The following FXYD7 variants were observed in gnomAD, a reference collection of about 807,000 sequenced individuals.
FXYD7 encodes FXYD domain-containing ion transport regulator 7.
Under a neutral mutation model 15.3 loss-of-function variants are expected in FXYD7, and 7 were observed. The ratio of observed to expected loss-of-function variants is 0.46; its 90% CI spans 0.26 to 0.86. FXYD7 has a LOEUF of 0.86. Ranked by LOEUF, FXYD7 falls within the 40% of genes least tolerant of loss-of-function variation. The pLI is 0.16. For synonymous variants in FXYD7, 39 were observed against 39.3 expected, an observed-to-expected ratio of 0.99 and a Z score of 0.03; for missense variants, 78 against 100.6, an observed-to-expected ratio of 0.78 and a Z score of 0.96.
At chr19:35,144,101 A>G (rs1040973261) in intron 1 of FXYD7, among the ~76,000 whole-genome samples, 2 of 152,026 alleles carry the variant, frequency 1.3e-5, no homozygotes, top group Admixed American at 6.6e-5. Flanking sequence ...TGAGACCGCT[A>G]TGGAGAGAGA....
At position 35,143,314 on chromosome 19, in the gene FXYD7, GC is replaced by G; in HGVS notation, c.-15del. The G allele has an allele frequency of 6.5e-7, 1 of 1,538,312 alleles. No individual in the cohort carries two copies. The highest frequency in any genetic ancestry group is 2.6e-5 in the East Asian group (1 of 38,946). Reference sequence around the variant, plus strand: ...GCCTTCGCCGCCAAAGCATCCAGCAGCCCCCTGCTCCGGCCCAGCATGGCGA... The same window carrying G: ...GCCTTCGCCGCCAAAGCATCCAGCAGCCCCTGCTCCGGCCCAGCATGGCGA... On this transcript the variant is annotated 5_prime_UTR_variant, in exon 1 of 6. Coordinates refer to ENST00000270310, the MANE Select transcript of FXYD7 (RefSeq NM_022006.2). The surrounding 1 kb of genome is among the most constrained non-coding windows in gnomAD (Gnocchi z 4.3).
At chr19:35,152,404 A>G (rs1392433216) in intron 5 of FXYD7, among the ~76,000 whole-genome samples, 1 of 151,970 alleles carries the variant, frequency 6.6e-6, no homozygotes, top group African/African-American at 2.4e-5. Context: ...GCACTGAGGA[A>G]GACGGGGAGA....
At chr19:35,151,890 A>G (rs893326345) in intron 5 of FXYD7, among the ~76,000 whole-genome samples, 4 of 151,862 alleles carry the variant, frequency 2.6e-5, no homozygotes, top group Admixed American at 2.0e-4. Flanking sequence ...TGTAATTCCA[A>G]CACTTTGGGA....
rs940838836 is a variant in FXYD7 at position 35,143,672 on chromosome 19, C to G, written c.31+308C>G. Among the ~76,000 whole-genome samples the G allele has an allele frequency of 4.2e-5, 6 of 142,442 alleles. No individual in the cohort carries two copies. The highest frequency in any genetic ancestry group is 1.4e-4 in the Admixed American group (2 of 14,528). The allele number at this position is 142,442 out of a possible 152,430, so 93.4% of individuals were successfully genotyped here. On this transcript the variant is annotated intron_variant, in intron 1 of 5. Transcript: ENST00000270310. This position sits in a 1 kb window ranked among gnomAD's most constrained non-coding sequence, Gnocchi z 4.3. ...GGTCCCGCACCGTGGTGGTAGCAGA[C>G]GGGGAAGAGATGAGCTTGCAGGGTG... is the stretch of plus-strand genomic sequence containing the variant.
intron 1 of FXYD7, among the ~76,000 whole-genome samples, chr19:35,145,374 T>A (rs1331797847): frequency 1.3e-5 from 2 of 152,170 alleles, no homozygotes; most frequent in Non-Finnish European, 2.9e-5. Flanking sequence ...CAGAGGAGGA[T>A]CTTCCGCATG....
chr19:35,151,275 T>C lies in FXYD7; in HGVS notation c.83T>C (p.Val28Ala), dbSNP rs1338148816. Residue 28 changes from valine (V) to alanine (A), a missense_variant, in exon 3 of 6, where the codon GTG becomes GCG. Coordinates refer to ENST00000270310, the MANE Select transcript of FXYD7 (RefSeq NM_022006.2). The part of the protein sequence containing the change: ...FYYDYNTVQT[V>A]GMTLATILFL... ...CCAGACTACAACACGGTGCAGACTG[T>C]GGGCATGACTCTGGCAACCATCTTG... is the stretch of plus-strand genomic sequence containing the variant. 1 of 1,607,384 alleles carries C rather than the reference T, an allele frequency of 6.2e-7. No individual in the cohort carries two copies. Among genetic ancestry groups the C allele is most frequent in the Admixed American group, 1.7e-5 (1 of 60,022 alleles).
At chr19:35,153,033 C>CTTTGTTTTGTTTTTTTTTTTTT (rs1555737607) in intron 5 of FXYD7, among the ~76,000 whole-genome samples, 3 of 44,140 alleles carry the variant, frequency 6.8e-5, no homozygotes, top group Non-Finnish European at 1.2e-4. Context: ...TTTCACGTTC[C>CTTTGTTTTGTTTTTTTTTTTTT]TTTTTTTTTT....
chr19:35,147,082 G>A (rs529826275), intron 1 of FXYD7, among the ~76,000 whole-genome samples: 2 of 152,350 alleles, frequency 1.3e-5, no homozygotes, highest in African/African-American at 4.8e-5. Context: ...AGTCACCAAA[G>A]AAAACTAGAG....
intron 3 of FXYD7, 33 bp from the exon 4 acceptor site, chr19:35,151,407 C>T (rs1245943323): frequency 6.2e-7 from 1 of 1,612,696 alleles, no homozygotes; most frequent in East Asian, 2.2e-5. Flanking sequence ...CCGCTATGTC[C>T]TGTCTTCTTG....
chr19:35,149,498 C>T lies in FXYD7; in HGVS notation c.61+775C>T, dbSNP rs76684275. The T allele has an allele frequency of 3.2e-3, 548 of 169,342 alleles. 2 individuals carry two copies. Among genetic ancestry groups the T allele is most frequent in the African/African-American group, 0.012 (516 of 42,166 alleles). The allele number at this position is 169,342 out of a possible 1,614,324, so 10.5% of individuals were successfully genotyped here. On this transcript the variant is annotated intron_variant, in intron 2 of 5. Coordinates refer to ENST00000270310, the MANE Select transcript of FXYD7 (RefSeq NM_022006.2). ...ACCATACTCAGCTGGTGTCGCATGA[C>T]TTGTTTTTGAGGGGGATTGTTTCTT...
At chr19:35,153,337 G>A (rs2065323091) in intron 5 of FXYD7, among the ~76,000 whole-genome samples, 1 of 152,132 alleles carries the variant, frequency 6.6e-6, no homozygotes, top group Admixed American at 6.6e-5. Flanking sequence ...TTGGATTACA[G>A]GCGTGAGCCA....
chr19:35,151,388 A>G, intron 3 of FXYD7, 52 bp from the exon 4 acceptor site: 3 of 1,607,780 alleles, frequency 1.9e-6, no homozygotes, highest in Non-Finnish European at 8.5e-7. Context: ...GCTTTCATCC[A>G]TATCCTACCC....
At chr19:35,146,306 T>G (rs2065288763) in intron 1 of FXYD7, among the ~76,000 whole-genome samples, 1 of 152,168 alleles carries the variant, frequency 6.6e-6, no homozygotes, top group African/African-American at 2.4e-5. Flanking sequence ...ACCCAGCTAA[T>G]TTTTGTATTG....
At chr19:35,153,034 T>TTTGTTTTTTTTTTTG (rs1491361697) in intron 5 of FXYD7, among the ~76,000 whole-genome samples, 1 of 52,272 alleles carries the variant, frequency 1.9e-5, no homozygotes, top group East Asian at 4.8e-4. Flanking sequence ...TTCACGTTCC[T>TTTGTTTTTTTTTTTG]TTTTTTTTTT....
At chr19:35,148,052 AAAGAAAGAAAGAAAG>A (rs1568405818) in intron 1 of FXYD7, among the ~76,000 whole-genome samples, 2 of 140,080 alleles carry the variant, frequency 1.4e-5, no homozygotes, top group Non-Finnish European at 3.0e-5. Flanking sequence ...AGAAAGAAAG[AAAGAAAGAAAGAAAG>A]AAAGAAAGAA....
chr19:35,151,263 C>T lies in FXYD7; in HGVS notation c.71C>T (p.Thr24Met), dbSNP rs202229878. ...CCATTATCTTCCCCAGACTACAACA[C>T]GGTGCAGACTGTGGGCATGACTCTG... ...EPDPFYYDYNTVQTVGMTLAT... is the reference protein window; with the variant it reads ...EPDPFYYDYNMVQTVGMTLAT... The change falls in exon 3 of 6, where the codon ACG (threonine) becomes ATG (methionine). Residue 24 changes from threonine (T) to methionine (M), a missense_variant. By Grantham distance (81) the Thr-to-Met change is moderately conservative (BLOSUM62 -1). Transcript: ENST00000270310. 2.9e-5 allele frequency: 47 copies of T among 1,598,180 alleles called. No individual in the cohort carries two copies. Among genetic ancestry groups the T allele is most frequent in the South Asian group, 1.1e-4 (10 of 90,756 alleles).
chr19:35,148,097 G>GAGAGAGAAAGAA (rs2065297188), intron 1 of FXYD7, among the ~76,000 whole-genome samples: 1 of 101,374 alleles, frequency 9.9e-6, no homozygotes, highest in African/African-American at 4.0e-5. Context: ...GAAAGAAAGA[G>GAGAGAGAAAGAA]AGAGAGAAAG....
intron 5 of FXYD7, among the ~76,000 whole-genome samples, chr19:35,152,154 A>G (rs1433778220): frequency 6.8e-6 from 1 of 148,108 alleles, no homozygotes; most frequent in Non-Finnish European, 1.5e-5. Context: ...AAAAAAAAAA[A>G]AGAGGAAGGA....
chr19:35,151,731 C>G, intron 5 of FXYD7, 58 bp downstream of exon 5: 1 of 1,295,898 alleles, frequency 7.7e-7, no homozygotes, highest in African/African-American at 1.5e-5. Flanking sequence ...GGGAAGGGAA[C>G]CCTCAGAAGG....
Sources: allele counts gnomAD v4.1 joint callset (sites outside exome capture counted in the v4.1 genomes callset), GRCh38; gene constraint gnomAD v4.1.1; non-coding constraint Gnocchi (gnomAD v3.1); transcripts MANE v1.5; gene names NCBI Gene and HGNC (gene_info 2026-07-23, HGNC 2026-07-21).